The following ARHGEF28 variants were observed in gnomAD, a reference collection of about 807,000 sequenced individuals.
ARHGEF28 encodes the protein 190 kDa guanine nucleotide exchange factor.
A neutral mutation model predicts 206.6 loss-of-function variants in ARHGEF28; 152 were observed. The observed-to-expected ratio is 0.74, with a 90% CI of 0.64 to 0.84. The LOEUF is 0.84. Ranked by LOEUF, ARHGEF28 falls within the 40% of genes least tolerant of loss-of-function variation. The pLI, the probability that ARHGEF28 is intolerant of heterozygous loss-of-function variation, is 0.00. For missense variants in ARHGEF28, 2,028 were observed against 2,073.2 expected (o/e 0.98, Z 0.42); for synonymous variants, 763 against 776.4 (o/e 0.98, Z 0.29).
At chr5:73,683,733 C>G (rs1175316207) in intron 1 of ARHGEF28, among the ~76,000 whole-genome samples, 4 of 151,868 alleles carry the variant, frequency 2.6e-5, no homozygotes, top group African/African-American at 4.8e-5. Context: ...CTCTCTGGCC[C>G]TCTGTGTAAG....
rs761180219 is a variant in ARHGEF28 at position 73,911,487 on chromosome 5, G to A, written c.4860G>A (p.Ser1620=). Reference sequence around the variant, plus strand: ...TCAAGGTGGACCCTTCTCAGCCTTCGAATGTCAGTCACAAACTGTGGACAG... The same window carrying A: ...TCAAGGTGGACCCTTCTCAGCCTTCAAATGTCAGTCACAAACTGTGGACAG... ...VDLKVDPSQP[S]NVSHKLWTAA... is the part of the protein sequence containing the mutation. The change falls in exon 35 of 36, where the codon TCG becomes TCA. Residue 1620 remains serine (S), a synonymous_variant. Transcript: ENST00000513042. The A allele has an allele frequency of 3.7e-6, 6 of 1,613,844 alleles. No homozygotes were observed. In the South Asian group the frequency reaches 4.4e-5, roughly 12 times the overall value.
chr5:73,931,563 C>CT (rs144962468), intron 35 of ARHGEF28, among the ~76,000 whole-genome samples: 4 of 151,860 alleles, frequency 2.6e-5, no homozygotes, highest in African/African-American at 9.7e-5. Context: ...TTTCTGGGGG[C>CT]TTTTTTGTTG....
At chr5:73,814,151 T>G (rs1259943499) in intron 9 of ARHGEF28, among the ~76,000 whole-genome samples, 1 of 152,170 alleles carries the variant, frequency 6.6e-6, no homozygotes, top group Non-Finnish European at 1.5e-5. Context: ...TTTTTCTATT[T>G]TATACTATTT....
intron 2 of ARHGEF28, among the ~76,000 whole-genome samples, chr5:73,708,765 A>G (rs79221128): frequency 0.018 from 2,756 of 152,202 alleles, 83 homozygotes; most frequent in African/African-American, 0.063. Flanking sequence ...TTCTGTTTCA[A>G]TTTCTTTGGG....
intron 1 of ARHGEF28, among the ~76,000 whole-genome samples, chr5:73,658,966 CA>C (rs1158369734): frequency 9.6e-6 from 1 of 104,630 alleles, no homozygotes; most frequent in African/African-American, 4.3e-5. Flanking sequence ...TGCAGGTACA[CA>C]CACACACACA....
At chr5:73,822,383 A>G (rs1166243447) in intron 9 of ARHGEF28, among the ~76,000 whole-genome samples, 2 of 152,174 alleles carry the variant, frequency 1.3e-5, no homozygotes. Flanking sequence ...TGGTGAACAG[A>G]GGTTCCCTGG....
intron 22 of ARHGEF28, among the ~76,000 whole-genome samples, chr5:73,881,064 C>A (rs2973581): frequency 6.7e-6 from 1 of 149,678 alleles, no homozygotes; most frequent in Non-Finnish European, 1.5e-5. Flanking sequence ...CTATGGCTGT[C>A]CAATTGCTCC....
chr5:73,873,190 G>T lies in ARHGEF28; in HGVS notation c.2758G>T (p.Ala920Ser), dbSNP rs1311288312. Residue 920 changes from alanine (A) to serine (S), a missense_variant, in exon 22 of 36, where the codon GCT (alanine) becomes TCT (serine). Coordinates refer to ENST00000513042, the MANE Select transcript of ARHGEF28 (RefSeq NM_001177693.2). ...SMKERRQESC[A>S]GSDRNFVIDR... ...GAAGGAACGAAGGCAGGAATCCTGT[G>T]CTGGCAGCGACAGGAATTTTGTGAT... is the stretch of plus-strand genomic sequence containing the variant. 1.9e-6 allele frequency: 3 copies of T among 1,612,084 alleles called. No homozygotes were observed. In the South Asian group the frequency reaches 3.3e-5, roughly 18 times the overall value.
intron 2 of ARHGEF28, among the ~76,000 whole-genome samples, chr5:73,727,588 C>T (rs958217498): frequency 6.6e-6 from 1 of 152,174 alleles, no homozygotes; most frequent in Non-Finnish European, 1.5e-5. Flanking sequence ...CTAAAATCTG[C>T]CTCTGGTAAT....
At chr5:73,764,000 T>G (rs1239814767) in intron 4 of ARHGEF28, among the ~76,000 whole-genome samples, 1 of 152,206 alleles carries the variant, frequency 6.6e-6, no homozygotes, top group Non-Finnish European at 1.5e-5. Context: ...TTTTTTGTAT[T>G]AAAAAGATCA....
At chr5:73,855,941 A>G (rs994685924) in intron 14 of ARHGEF28, among the ~76,000 whole-genome samples, 4 of 152,168 alleles carry the variant, frequency 2.6e-5, no homozygotes, top group African/African-American at 9.7e-5. Flanking sequence ...GAAGTACAAA[A>G]GGGGCTTCTT....
At chr5:73,882,806 A>ACAC (rs1309039660) in intron 23 of ARHGEF28, among the ~76,000 whole-genome samples, 3 of 152,112 alleles carry the variant, frequency 2.0e-5, no homozygotes, top group African/African-American at 7.2e-5. Flanking sequence ...TATATTTGTG[A>ACAC]GGTCATGTCT....
chr5:73,720,127 A>G lies in ARHGEF28; in HGVS notation c.34-29710A>G, dbSNP rs563172086. On this transcript the variant is annotated intron_variant, in intron 2 of 35. Transcript: ENST00000513042. ...ATATTAAGGTGCTTTGAGTATGGCA[A>G]TTTTCCTAAGGAGTATTAGTTATAA... Among the ~76,000 whole-genome samples, 12 of 152,346 alleles carry G rather than the reference A, an allele frequency of 7.9e-5. No homozygotes were observed. The Middle Eastern group carries it at 0.01, about 130-fold the overall frequency.
intron 26 of ARHGEF28, 67 bp from the exon 27 acceptor site, chr5:73,891,985 C>T: frequency 7.0e-7 from 1 of 1,437,634 alleles, no homozygotes; most frequent in Non-Finnish European, 9.4e-7. Flanking sequence ...TCCTTTAGCT[C>T]ATGTTTTACG....
chr5:73,639,803 G>C (rs1464446375), intron 1 of ARHGEF28, among the ~76,000 whole-genome samples: 2 of 152,120 alleles, frequency 1.3e-5, no homozygotes, highest in East Asian at 3.8e-4. Flanking sequence ...TGACATTTAT[G>C]CAATTAGAGG....
chr5:73,811,572 A>G (rs1755838901), intron 9 of ARHGEF28, among the ~76,000 whole-genome samples: 1 of 152,158 alleles, frequency 6.6e-6, no homozygotes, highest in African/African-American at 2.4e-5. Context: ...GATTTGGTAT[A>G]TTTTCTAATT....
At chr5:73,701,613 T>TC (rs1430745267) in intron 2 of ARHGEF28, among the ~76,000 whole-genome samples, 1 of 152,064 alleles carries the variant, frequency 6.6e-6, no homozygotes, top group Non-Finnish European at 1.5e-5. Context: ...CTCACTCCCC[T>TC]CCCCCCACCA....
intron 9 of ARHGEF28, among the ~76,000 whole-genome samples, chr5:73,809,863 A>C (rs964608305): frequency 6.6e-6 from 1 of 152,192 alleles, no homozygotes; most frequent in African/African-American, 2.4e-5. Flanking sequence ...TGGTTGTATG[A>C]TATATGGTGA....
intron 7 of ARHGEF28, among the ~76,000 whole-genome samples, chr5:73,787,071 C>T (rs992246575): frequency 2.0e-5 from 3 of 152,148 alleles, no homozygotes; most frequent in African/African-American, 7.2e-5. Context: ...AGTGTTGTTT[C>T]CAAGATTTTT....
Sources: gnomAD v4.1 joint callset for allele counts (sites outside exome capture counted in the v4.1 genomes callset) on GRCh38, gnomAD v4.1.1 for gene constraint, MANE v1.5 for transcripts, NCBI Gene and HGNC (gene_info 2026-07-23, HGNC 2026-07-21) for gene names.